ATG10: variants seen among roughly 807,000 people sequenced by gnomAD.
The protein encoded by ATG10 is ubiquitin-like-conjugating enzyme ATG10.
ATG10 carries 30 observed loss-of-function variants against 32.1 expected under a neutral mutation model. The observed-to-expected ratio is 0.94, with a 90% confidence interval of 0.70 to 1.27. ATG10 has a LOEUF of 1.27. Ranked by LOEUF, ATG10 falls within the 50% of genes most tolerant of loss-of-function variation. The pLI, the probability that ATG10 is intolerant of heterozygous loss-of-function variation, is 0.00. For missense variants in ATG10, 233 were observed against 262.3 expected, an observed-to-expected ratio of 0.89 and a Z score of 0.77; for synonymous variants, 87 against 91.5, an observed-to-expected ratio of 0.95 and a Z score of 0.28.
intron 3 of ATG10, among the ~76,000 whole-genome samples, chr5:82,059,748 T>C (rs1034625921): frequency 6.6e-6 from 1 of 152,154 alleles, no homozygotes; most frequent in Non-Finnish European, 1.5e-5. Flanking sequence ...TGCCTGTATA[T>C]GATGCTGGCC....
chr5:82,117,811 A>G (rs897372100), intron 3 of ATG10, among the ~76,000 whole-genome samples: 2 of 152,152 alleles, frequency 1.3e-5, no homozygotes, highest in Non-Finnish European at 2.9e-5. Context: ...TATACTGAAT[A>G]TGAAAAGTCA....
chr5:82,055,346 C>T (rs1763558810), intron 2 of ATG10, among the ~76,000 whole-genome samples: 1 of 151,968 alleles, frequency 6.6e-6, no homozygotes, highest in Non-Finnish European at 1.5e-5. Flanking sequence ...TAAGTAAATT[C>T]CTCAAATTAT....
intron 1 of ATG10, 40 bp from the exon 2 acceptor site, chr5:81,987,519 A>G: frequency 1.5e-6 from 2 of 1,361,930 alleles, no homozygotes; most frequent in East Asian, 2.4e-5. Context: ...TTTCAATATA[A>G]TTCTAAAGTT....
At chr5:82,220,652 T>C (rs1386373886) in intron 5 of ATG10, among the ~76,000 whole-genome samples, 1 of 151,564 alleles carries the variant, frequency 6.6e-6, no homozygotes, top group Non-Finnish European at 1.5e-5. Context: ...TTTTTTAAGA[T>C]GGAGTCTTGC....
chr5:82,088,674 A>G (rs988956243), intron 3 of ATG10, among the ~76,000 whole-genome samples: 6 of 152,156 alleles, frequency 3.9e-5, no homozygotes, highest in African/African-American at 1.2e-4. Flanking sequence ...GGATATAGAA[A>G]GTAATCGTAA....
intron 2 of ATG10, among the ~76,000 whole-genome samples, chr5:82,044,577 T>C (rs1406892102): frequency 6.6e-6 from 1 of 152,160 alleles, no homozygotes; most frequent in Non-Finnish European, 1.5e-5. Flanking sequence ...TCAGACTTTT[T>C]CTGGAATGCA....
chr5:82,054,337 T>G (rs1763521760), intron 2 of ATG10, among the ~76,000 whole-genome samples: 1 of 152,200 alleles, frequency 6.6e-6, no homozygotes, highest in Non-Finnish European at 1.5e-5. Flanking sequence ...GGATTATGTT[T>G]TAAATGCAGA....
At chr5:82,104,617 G>T (rs564152258) in intron 3 of ATG10, among the ~76,000 whole-genome samples, 1 of 152,140 alleles carries the variant, frequency 6.6e-6, no homozygotes, top group East Asian at 1.9e-4. Context: ...GTCATATTGG[G>T]ATTAGCTGAA....
chr5:82,053,622 A>G (rs1438500005), intron 2 of ATG10, among the ~76,000 whole-genome samples: 2 of 150,194 alleles, frequency 1.3e-5, no homozygotes, highest in Non-Finnish European at 3.0e-5. Flanking sequence ...AGGGCATTCT[A>G]TTTAGATAAC....
intron 3 of ATG10, among the ~76,000 whole-genome samples, chr5:82,120,878 T>G (rs1438357777): frequency 2.0e-5 from 3 of 152,296 alleles, no homozygotes; most frequent in African/African-American, 7.2e-5. Context: ...TAGGGATGTT[T>G]ACCCGTTTAG....
intron 2 of ATG10, among the ~76,000 whole-genome samples, chr5:82,055,229 A>C (rs1336366888): frequency 1.3e-5 from 2 of 152,188 alleles, no homozygotes; most frequent in Non-Finnish European, 2.9e-5. Context: ...ATCTTGACTG[A>C]GAAGATTGAT....
intron 3 of ATG10, among the ~76,000 whole-genome samples, chr5:82,061,504 T>C (rs923265717): frequency 6.6e-6 from 1 of 151,890 alleles, no homozygotes; most frequent in Non-Finnish European, 1.5e-5. Context: ...GTAAACCCCA[T>C]GGAGGTAAGA....
At chr5:82,061,842 T>TA (rs1763791955) in intron 3 of ATG10, among the ~76,000 whole-genome samples, 1 of 145,520 alleles carries the variant, frequency 6.9e-6, no homozygotes, top group African/African-American at 2.5e-5. Context: ...TTTTTTTTTT[T>TA]ACAGGCAGGG....
intron 5 of ATG10, among the ~76,000 whole-genome samples, chr5:82,197,764 A>G (rs868084102): frequency 1.4e-5 from 2 of 147,122 alleles, no homozygotes. Context: ...CTATCTATCT[A>G]TCTATCTATC....
rs114143361 is a variant in ATG10, at chr5:82,104,743, G to A, written c.216+46141G>A. 5.3e-3 allele frequency among the ~76,000 whole-genome samples: 801 copies of A among 152,208 alleles called. 6 individuals are homozygous for A. The highest frequency in any genetic ancestry group is 0.018 in the African/African-American group (755 of 41,554). On this transcript the variant is annotated intron_variant, in intron 3 of 7. Transcript: ENST00000282185. ...GGATCTGATAAATAATACCTTTAGA[G>A]ACCTACTGATTTAAGGGGGAGACAA...
intron 3 of ATG10, among the ~76,000 whole-genome samples, chr5:82,084,276 TAGAGTAAAA>T (rs1445002398): frequency 1.3e-5 from 2 of 152,058 alleles, no homozygotes; most frequent in African/African-American, 2.4e-5. Context: ...AAGAGAAGTT[TAGAGTAAAA>T]AGAGTAAAAA....
chr5:82,151,509 G>A (rs1376309120), intron 3 of ATG10, among the ~76,000 whole-genome samples: 2 of 152,008 alleles, frequency 1.3e-5, no homozygotes, highest in East Asian at 3.9e-4. Flanking sequence ...TGCATGTTAT[G>A]CATTGCAGTT....
At chr5:82,055,874 C>A (rs543578099) in intron 2 of ATG10, among the ~76,000 whole-genome samples, 1 of 152,164 alleles carries the variant, frequency 6.6e-6, no homozygotes. Context: ...CAAATACTTA[C>A]AAATTTTACA....
chr5:82,202,322 A>G (rs74924655), intron 5 of ATG10, among the ~76,000 whole-genome samples: 7,909 of 152,216 alleles, frequency 0.052, 504 homozygotes, highest in African/African-American at 0.16. Flanking sequence ...GGTGGGTCTC[A>G]TCTGATCAGC....
Sources: gnomAD v4.1 joint callset for allele counts (sites outside exome capture counted in the v4.1 genomes callset) on GRCh38, gnomAD v4.1.1 for gene constraint, MANE v1.5 for transcripts, NCBI Gene and HGNC (gene_info 2026-07-23, HGNC 2026-07-21) for gene names.